The following LOXL1 variants were observed in gnomAD, a reference collection of about 807,000 sequenced individuals.
LOXL1 encodes lysyl oxidase like 1.
In LOXL1, 31 loss-of-function variants were observed where a neutral mutation model predicts 62.2. The observed-to-expected ratio is 0.50, with a 90% CI of 0.37 to 0.67. LOXL1 has a LOEUF of 0.67. LOXL1 is among the 30% of genes least tolerant of loss of function. The pLI, the probability that LOXL1 is intolerant of heterozygous loss-of-function variation, is 0.00. For missense variants in LOXL1, 775 were observed against 843.4 expected (o/e 0.92, Z 1.00); for synonymous variants, 403 against 384.4 (o/e 1.05, Z -0.56).
At chr15:73,938,299 C>CTATCTATG (rs1379306795) in intron 1 of LOXL1, among the ~76,000 whole-genome samples, 1 of 151,064 alleles carries the variant, frequency 6.6e-6, no homozygotes, top group Non-Finnish European at 1.5e-5. Flanking sequence ...ATCTATCTAT[C>CTATCTATG]TATCTATCTA....
Position 73,926,772 on chromosome 15 carries a change from A to C in LOXL1, c.-12A>C. ...GCCTCTCTGTCCACCAGGCCTCTGC[A>C]GAGGGGTCACCATGGCTCTGGCCCG... On this transcript the variant is annotated 5_prime_UTR_variant, in exon 1 of 7. Coordinates refer to ENST00000261921, the MANE Select transcript of LOXL1 (RefSeq NM_005576.4). The C allele has an allele frequency of 1.4e-6, 2 of 1,407,694 alleles. No homozygotes were observed. The highest frequency in any genetic ancestry group is 1.9e-6 in the Non-Finnish European group (2 of 1,075,598). The allele number at this position is 1,407,694 out of a possible 1,614,324, so 87.2% of individuals were successfully genotyped here. A position where few individuals can be genotyped will look rare whatever the true frequency, so the allele number is the denominator to read the frequency against.
chr15:73,942,121 AAGTGGTGGCAGGT>A (rs2068718047), intron 1 of LOXL1: 1 of 153,910 alleles, frequency 6.5e-6, no homozygotes, highest in Admixed American at 6.5e-5. Flanking sequence ...TGATGGCAGG[AAGTGGTGGCAGGT>A]GATGGGGGGC....
rs774834031 is a variant in LOXL1 at position 73,927,395 on chromosome 15, C to G, written c.612C>G (p.Tyr204Ter). 1 of 1,557,836 alleles carries G rather than the reference C, an allele frequency of 6.4e-7. No homozygotes were observed. ...GGACCTACGACCAGGGTTTCGTGTA[C>G]TACCGGCCCGCGGGCGGCGGCGTGG... ...ASRTYDQGFVYYRPAGGGVGA... is the reference protein window; with the variant it reads ...ASRTYDQGFV Residue 204 changes from tyrosine to a stop codon, truncating the protein, a stop_gained, in exon 1 of 7, where the codon TAC becomes TAG. Coordinates refer to ENST00000261921, the MANE Select transcript of LOXL1 (RefSeq NM_005576.4). LOFTEE classifies it high-confidence loss of function.
Position 73,946,474 on chromosome 15 carries a change from C to G in LOXL1, c.1269C>G (p.Pro423=). The G allele has an allele frequency of 6.2e-7, 1 of 1,612,972 alleles. No homozygotes were observed. Reference sequence around the variant, plus strand: ...ATGTGCGGGTGCTACTGCGCTTCCCCCAGCGCGTGAAGAACCAGGGCACAG... The same window carrying G: ...ATGTGCGGGTGCTACTGCGCTTCCCGCAGCGCGTGAAGAACCAGGGCACAG... ...DYDVRVLLRF[P]QRVKNQGTAD... Residue 423 remains proline, a synonymous_variant, in exon 3 of 7, where the codon CCC becomes CCG. Transcript: ENST00000261921.
rs1424664155 is a variant in LOXL1, at chr15:73,930,527, C to G, written c.1102+2642C>G. On this transcript the variant is annotated intron_variant, in intron 1 of 6. Transcript: ENST00000261921. The surrounding 1 kb of genome is among the most constrained non-coding windows in gnomAD (Gnocchi z 4.7). ...CAAGCCTTGTGCTTGAGATCAGACC[C>G]CCAGGCCTGGTGTGGGAGCCCAAGG... Among the ~76,000 whole-genome samples, 1 of 152,186 alleles carries G rather than the reference C, an allele frequency of 6.6e-6. No individual in the cohort carries two copies. The highest frequency in any genetic ancestry group is 2.4e-5 in the African/African-American group (1 of 41,452).
intron 1 of LOXL1, among the ~76,000 whole-genome samples, chr15:73,932,033 A>G (rs1053130384): frequency 3.3e-5 from 5 of 152,144 alleles, no homozygotes; most frequent in African/African-American, 4.8e-5. Context: ...GGTGGCACAG[A>G]AGGGTACAGC....
chr15:73,941,448 C>T (rs192972936), intron 1 of LOXL1, among the ~76,000 whole-genome samples: 51 of 152,284 alleles, frequency 3.3e-4, no homozygotes, highest in Admixed American at 2.9e-3. Flanking sequence ...AGCCAGCCTT[C>T]CCCTCCTTGG....
At chr15:73,935,664 C>A (rs1471593886) in intron 1 of LOXL1, among the ~76,000 whole-genome samples, 2 of 152,148 alleles carry the variant, frequency 1.3e-5, no homozygotes, top group Non-Finnish European at 2.9e-5. Context: ...GCAGCAGAGG[C>A]TTGGCCTCTG....
At position 73,927,470 on chromosome 15, in the gene LOXL1, G is replaced by T. The variant is rs749461688; in HGVS notation, c.687G>T (p.Gln229His). Residue 229 changes from glutamine (Q) to histidine (H), a missense_variant, in exon 1 of 7, where the codon CAG becomes CAT. Gln to His is a conservative substitution (Grantham distance 24, BLOSUM62 0). Coordinates refer to ENST00000261921, the MANE Select transcript of LOXL1 (RefSeq NM_005576.4). ...CGGCGGGGGTCATCTACCCCTACCA[G>T]CCCCGGGCGCGCTACGAGGAGTACG... is the stretch of plus-strand genomic sequence containing the variant. ...VASAGVIYPY[Q>H]PRARYEEYGG... The T allele has an allele frequency of 3.4e-6, 5 of 1,449,882 alleles. No individual in the cohort carries two copies. The highest frequency in any genetic ancestry group is 2.0e-4 in the Middle Eastern group (1 of 5,106). The allele number at this position is 1,449,882 out of a possible 1,614,324, so 89.8% of individuals were successfully genotyped here. A position where few individuals can be genotyped will look rare whatever the true frequency, so the allele number is the denominator to read the frequency against.
rs577649093 is a variant in LOXL1, at chr15:73,927,953, C to G, written c.1102+68C>G. The stretch of plus-strand genomic sequence containing the variant: ...GCCACTGGAAACTGCTCCGGGCCCC[C>G]CGGGCCCCTCCTTAGAACTTCCTGG... On this transcript the variant is annotated intron_variant, in intron 1 of 6. Coordinates refer to ENST00000261921, the MANE Select transcript of LOXL1 (RefSeq NM_005576.4). 200 of 1,254,934 alleles carry G rather than the reference C, an allele frequency of 1.6e-4. 2 individuals are homozygous for G. The East Asian group carries it at 5.4e-3, about 34-fold the overall frequency. 77.7% of individuals were successfully genotyped at this position (1,254,934 alleles called of 1,614,324 possible). A position where few individuals can be genotyped will look rare whatever the true frequency, so the allele number is the denominator to read the frequency against.
At position 73,935,002 on chromosome 15, in the gene LOXL1, G is replaced by C. The variant is rs577712850; in HGVS notation, c.1102+7117G>C. Among the ~76,000 whole-genome samples the C allele has an allele frequency of 1.1e-4, 16 of 152,350 alleles. No individual in the cohort carries two copies. In the East Asian group the frequency reaches 3.1e-3, roughly 29 times the overall value. ...GGGTTTTCAGGTGTGCTCCAGTGTGGTTAGAACAGAGTAGAGTGGAAATGG... is the reference window on the plus strand; with the variant it reads ...GGGTTTTCAGGTGTGCTCCAGTGTGCTTAGAACAGAGTAGAGTGGAAATGG... On this transcript the variant is annotated intron_variant, in intron 1 of 6. Transcript: ENST00000261921.
At chr15:73,931,612 C>T (rs2141623044) in intron 1 of LOXL1, among the ~76,000 whole-genome samples, 1 of 152,250 alleles carries the variant, frequency 6.6e-6, no homozygotes, top group East Asian at 1.9e-4. Context: ...TTCTAGGGTA[C>T]CTCCTTCTCT....
Position 73,945,501 on chromosome 15 carries a change from A to T in LOXL1, c.1212-916A>T, listed in dbSNP as rs375442331. Among the ~76,000 whole-genome samples, 1 of 152,174 alleles carries T rather than the reference A, an allele frequency of 6.6e-6. No homozygotes were observed. Among genetic ancestry groups the T allele is most frequent in the African/African-American group, 2.4e-5 (1 of 41,438 alleles). On this transcript the variant is annotated intron_variant, in intron 2 of 6. Coordinates refer to ENST00000261921, the MANE Select transcript of LOXL1 (RefSeq NM_005576.4). The surrounding 1 kb of genome is among the most constrained non-coding windows in gnomAD (Gnocchi z 4.3). ...GGGCAAAAGTATGGGTCAGGGAAAA[A>T]GTTCAGCCTGTTTGGAAAATAGGCT...
chr15:73,948,647 C>T (rs1185171402), intron 5 of LOXL1, among the ~76,000 whole-genome samples: 1 of 152,240 alleles, frequency 6.6e-6, no homozygotes, highest in East Asian at 1.9e-4. Flanking sequence ...TGGAGAGATG[C>T]ATCCGGCAGC....
Position 73,927,833 on chromosome 15 carries a change from G to T in LOXL1, c.1050G>T (p.Gln350His). The change falls in exon 1 of 7, where the codon CAG (glutamine) becomes CAT (histidine). Residue 350 changes from glutamine to histidine, a missense_variant. Transcript: ENST00000261921. ...PPPGGERNGAQQGRLSVGSVY... is the reference protein window; with the variant it reads ...PPPGGERNGAHQGRLSVGSVY... The stretch of plus-strand genomic sequence containing the variant: ...CGGGTGGGGAGCGGAACGGCGCGCA[G>T]CAGGGCCGCCTCAGCGTGGGCAGCG... 3.0e-6 allele frequency: 4 copies of T among 1,348,124 alleles called. No individual in the cohort carries two copies. Among genetic ancestry groups the T allele is most frequent in the Non-Finnish European group, 3.8e-6 (4 of 1,058,498 alleles). 83.5% of individuals were successfully genotyped at this position (1,348,124 alleles called of 1,614,324 possible). A position where few individuals can be genotyped will look rare whatever the true frequency, so the allele number is the denominator to read the frequency against.
Position 73,947,077 on chromosome 15 carries a change from A to C in LOXL1, c.1360A>C (p.Ser454Arg), listed in dbSNP as rs541677179. Residue 454 changes from serine to arginine, a missense_variant, in exon 4 of 7, where the codon AGC becomes CGC. Coordinates refer to ENST00000261921, the MANE Select transcript of LOXL1 (RefSeq NM_005576.4). ...CTCCTCTGCCCCTAGGCATTACCAC[A>C]GCATGGACGAGTTCAGCCACTACGA... ...EWHSCHQHYH[S>R]MDEFSHYDLL... is the part of the protein sequence containing the mutation. 6.2e-7 allele frequency: 1 copy of C among 1,607,036 alleles called. No individual in the cohort carries two copies. The highest frequency in any genetic ancestry group is 1.1e-5 in the South Asian group (1 of 90,664).
chr15:73,946,731 C>T (rs1439995748), intron 3 of LOXL1, among the ~76,000 whole-genome samples, 177 bp downstream of exon 3: 1 of 152,248 alleles, frequency 6.6e-6, no homozygotes, highest in Non-Finnish European at 1.5e-5. Flanking sequence ...CTCAGAGAAG[C>T]CTTAGCCAAA....
chr15:73,939,340 CG>C (rs1011062704), intron 1 of LOXL1, among the ~76,000 whole-genome samples: 2 of 152,104 alleles, frequency 1.3e-5, no homozygotes, highest in African/African-American at 2.4e-5. Flanking sequence ...GAGGGTGAGG[CG>C]GGGGGGCCTG....
In LOXL1 at chr15:73,947,219, C is replaced by T. The variant is rs1157933104; in HGVS notation, c.1502C>T (p.Thr501Ile). The T allele has an allele frequency of 1.3e-6, 2 of 1,598,652 alleles. No individual in the cohort carries two copies. Among genetic ancestry groups the T allele is most frequent in the African/African-American group, 1.3e-5 (1 of 74,822 alleles). ...AAGCGCTATGCATGCACCTCTCATACCCAGGTTGGGCTGGAGAGATGGGGT... is the reference window on the plus strand; with the variant it reads ...AAGCGCTATGCATGCACCTCTCATATCCAGGTTGGGCTGGAGAGATGGGGT... Reference protein sequence around the residue: ...NLKRYACTSHTQGLSPGCYDT... With the variant: ...NLKRYACTSHIQGLSPGCYDT... The change falls in exon 4 of 7, where the codon ACC (threonine) becomes ATC (isoleucine). Residue 501 changes from threonine to isoleucine, a missense_variant. Thr to Ile is a moderately conservative substitution (Grantham distance 89). Transcript: ENST00000261921.
Sources: allele counts gnomAD v4.1 joint callset (sites outside exome capture counted in the v4.1 genomes callset), GRCh38; gene constraint gnomAD v4.1.1; non-coding constraint Gnocchi (gnomAD v3.1); transcripts MANE v1.5; gene names NCBI Gene and HGNC (gene_info 2026-07-23, HGNC 2026-07-21).